The following FRMD6 variants were observed in gnomAD, a reference collection of about 807,000 sequenced individuals.
FRMD6 encodes the protein FERM domain-containing protein 6.
A neutral mutation model predicts 73.2 loss-of-function variants in FRMD6; 37 were observed. The ratio of observed to expected loss-of-function variants is 0.51; its 90% CI spans 0.39 to 0.66. The LOEUF is 0.66. FRMD6 is among the 30% of genes least tolerant of loss of function. The pLI, the probability that FRMD6 is intolerant of heterozygous loss-of-function variation, is 0.00. For missense variants in FRMD6, 714 were observed against 780.5 expected (o/e 0.91, Z 1.02); for synonymous variants, 273 against 282.2 (o/e 0.97, Z 0.33).
chr14:51,536,093 T>TAGAGAGAG (rs199698272), intron 1 of FRMD6, among the ~76,000 whole-genome samples: 1 of 139,420 alleles, frequency 7.2e-6, no homozygotes, highest in Admixed American at 7.5e-5. Context: ...TATATATATA[T>TAGAGAGAG]ATATAGAGAG....
At chr14:51,700,306 G>A (rs573811582) in intron 3 of FRMD6, among the ~76,000 whole-genome samples, 36 of 152,094 alleles carry the variant, frequency 2.4e-4, no homozygotes, top group Non-Finnish European at 4.6e-4. Flanking sequence ...ATATGAAAAC[G>A]TTTGTTTTCT....
intron 2 of FRMD6, among the ~76,000 whole-genome samples, chr14:51,626,730 G>A (rs1891129872): frequency 1.3e-5 from 2 of 152,132 alleles, no homozygotes. Context: ...TTGAATCCTG[G>A]CTGTGCTACT....
chr14:51,437,918 G>C, the FRMD6 span, among the ~76,000 whole-genome samples: 38,440 of 152,094 alleles, frequency 0.25, 5,024 homozygotes, highest in Middle Eastern at 0.31. Flanking sequence ...GAAGTTGTGA[G>C]GCCTCTGTGT....
At chr14:51,444,915 T>C in the FRMD6 span, among the ~76,000 whole-genome samples, 1 of 152,158 alleles carries the variant, frequency 6.6e-6, no homozygotes, top group South Asian at 2.1e-4. Context: ...TTTTAAGTTC[T>C]TCCCCCACCT....
chr14:51,684,080 T>C (rs906259734), intron 1 of FRMD6, among the ~76,000 whole-genome samples: 4 of 152,100 alleles, frequency 2.6e-5, no homozygotes, highest in African/African-American at 9.7e-5. Context: ...GAGTGTTCAG[T>C]TTATCTCTCA....
At chr14:51,501,660 A>G (rs1182992431) in intron 1 of FRMD6, among the ~76,000 whole-genome samples, 3 of 152,186 alleles carry the variant, frequency 2.0e-5, no homozygotes, top group Non-Finnish European at 4.4e-5. Context: ...GCTACTGTGA[A>G]TAGTACCACA....
chr14:51,622,785 A>G (rs1220158421), intron 2 of FRMD6, among the ~76,000 whole-genome samples: 1 of 152,096 alleles, frequency 6.6e-6, no homozygotes, highest in African/African-American at 2.4e-5. Context: ...TTGTTTTTTG[A>G]GACAGGGTCT....
chr14:51,455,544 C>T, the FRMD6 span, among the ~76,000 whole-genome samples: 2 of 152,068 alleles, frequency 1.3e-5, no homozygotes, highest in Non-Finnish European at 2.9e-5. Context: ...TTAACCTGTC[C>T]CGGACACTGA....
the FRMD6 span, among the ~76,000 whole-genome samples, chr14:51,474,238 T>A: frequency 6.6e-6 from 1 of 152,242 alleles, no homozygotes; most frequent in Non-Finnish European, 1.5e-5. Flanking sequence ...TTATTTGTCA[T>A]CATTGCTGTG....
chr14:51,619,428 C>T (rs900195092), intron 2 of FRMD6, among the ~76,000 whole-genome samples: 1 of 151,762 alleles, frequency 6.6e-6, no homozygotes, highest in African/African-American at 2.4e-5. Flanking sequence ...TCCTGGCTTT[C>T]ACCTTTAACG....
chr14:51,413,363 A>G, the FRMD6 span, among the ~76,000 whole-genome samples: 4 of 152,066 alleles, frequency 2.6e-5, no homozygotes, highest in East Asian at 1.9e-4. Context: ...CCTGTGTCCA[A>G]GTGTTCTCAT....
the FRMD6 span, among the ~76,000 whole-genome samples, chr14:51,420,048 T>G: frequency 6.6e-6 from 1 of 152,074 alleles, no homozygotes; most frequent in Non-Finnish European, 1.5e-5. Flanking sequence ...TGCGACTGAG[T>G]TCTGGCTAAT....
At chr14:51,588,197 C>T (rs746253575) in intron 2 of FRMD6, among the ~76,000 whole-genome samples, 8 of 152,072 alleles carry the variant, frequency 5.3e-5, no homozygotes, top group Non-Finnish European at 1.2e-4. Context: ...CCCTCCCAAA[C>T]CTGCAAATGA....
chr14:51,704,802 A>T lies in FRMD6; in HGVS notation c.425A>T (p.His142Leu). The T allele has an allele frequency of 6.2e-7, 1 of 1,613,380 alleles. No homozygotes were observed. Among genetic ancestry groups the T allele is most frequent in the South Asian group, 1.1e-5 (1 of 91,034 alleles). Residue 142 changes from histidine (H) to leucine (L), a missense_variant, in exon 6 of 14, where the codon CAT becomes CTT. Transcript: ENST00000344768. ...YYWHLRKQVLHSQCVLREEAY... is the reference protein window; with the variant it reads ...YYWHLRKQVLLSQCVLREEAY... ...TGGCACCTGAGAAAACAAGTTCTTC[A>T]TTCTCAGTGTGTGCTCCGAGAGGAG...
chr14:51,461,956 A>G, the FRMD6 span, among the ~76,000 whole-genome samples: 3 of 152,224 alleles, frequency 2.0e-5, no homozygotes, highest in Admixed American at 1.3e-4. Flanking sequence ...CAGGCACTCA[A>G]TAAATGTTAG....
chr14:51,706,794 T>G (rs1896648745), intron 6 of FRMD6, among the ~76,000 whole-genome samples: 1 of 152,142 alleles, frequency 6.6e-6, no homozygotes, highest in Non-Finnish European at 1.5e-5. Context: ...TTTCTTAGTG[T>G]GTTCTGAAAG....
intron 8 of FRMD6, 59 bp downstream of exon 8, chr14:51,711,655 C>G: frequency 3.3e-6 from 4 of 1,214,792 alleles, no homozygotes; most frequent in Non-Finnish European, 4.9e-6. Flanking sequence ...TACAGCATGC[C>G]TCTGTGGTCC....
chr14:51,611,880 T>G (rs1017977321), intron 2 of FRMD6, among the ~76,000 whole-genome samples: 1 of 152,158 alleles, frequency 6.6e-6, no homozygotes, highest in Non-Finnish European at 1.5e-5. Flanking sequence ...TAATGAAGAT[T>G]ATATAGCGAT....
At chr14:51,581,998 G>C (rs1204273685) in intron 2 of FRMD6, among the ~76,000 whole-genome samples, 3 of 152,142 alleles carry the variant, frequency 2.0e-5, no homozygotes, top group Admixed American at 6.5e-5. Flanking sequence ...AGACAAAAAG[G>C]GCTTATCTTT....
Sources: gnomAD v4.1 joint callset for allele counts (sites outside exome capture counted in the v4.1 genomes callset) on GRCh38, gnomAD v4.1.1 for gene constraint, MANE v1.5 for transcripts, NCBI Gene and HGNC (gene_info 2026-07-23, HGNC 2026-07-21) for gene names.